Variants in TAFA1 observed in about 807,000 individuals in gnomAD.
TAFA1 encodes TAFA chemokine like family member 1, also known as chemokine-like protein TAFA-1.
Under a neutral mutation model 18.5 loss-of-function variants are expected in TAFA1, and 4 were observed. The observed-to-expected ratio is 0.22, with a 90% CI of 0.11 to 0.49. The LOEUF is 0.49. Among genes scored for constraint, TAFA1 ranks in the 20% least tolerant of loss-of-function variants. The pLI is 0.98. For synonymous variants in TAFA1, 56 were observed against 55.2 expected (o/e 1.01, Z -0.06); for missense variants, 147 against 169.0 (o/e 0.87, Z 0.72).
intron 2 of TAFA1, among the ~76,000 whole-genome samples, chr3:68,324,651 A>G (rs1009939258): frequency 4.6e-5 from 7 of 152,200 alleles, no homozygotes; most frequent in Non-Finnish European, 1.0e-4. Context: ...ACGAAACACA[A>G]AGGTCACATA....
At chr3:68,538,957 C>T (rs2073320533) in intron 4 of TAFA1, 77 bp downstream of exon 4, 1 of 1,466,676 alleles carries the variant, frequency 6.8e-7, no homozygotes, top group Non-Finnish European at 9.4e-7. Flanking sequence ...AAACAGCATC[C>T]ACAGAAGCTT....
chr3:68,233,455 A>G (rs1434940626), intron 2 of TAFA1, among the ~76,000 whole-genome samples: 1 of 151,922 alleles, frequency 6.6e-6, no homozygotes, highest in Non-Finnish European at 1.5e-5. Context: ...ACATGGATTT[A>G]TTTCTGGGTT....
At chr3:68,299,486 G>C (rs1404720226) in intron 2 of TAFA1, among the ~76,000 whole-genome samples, 2 of 152,238 alleles carry the variant, frequency 1.3e-5, no homozygotes, top group Non-Finnish European at 2.9e-5. Flanking sequence ...AAGGGAAGCA[G>C]AGCGTAAAAG....
At chr3:68,532,924 A>T (rs1307863897) in intron 3 of TAFA1, among the ~76,000 whole-genome samples, 1 of 150,878 alleles carries the variant, frequency 6.6e-6, no homozygotes, top group Admixed American at 6.6e-5. Flanking sequence ...AGTCTGACAT[A>T]GGTCTCAATC....
intron 2 of TAFA1, among the ~76,000 whole-genome samples, chr3:68,008,023 C>T (rs983125376): frequency 1.3e-5 from 2 of 152,220 alleles, no homozygotes; most frequent in African/African-American, 2.4e-5. Flanking sequence ...CGGGCCGCCC[C>T]GGGAGAAGGG....
chr3:68,051,430 A>G (rs966090934), intron 2 of TAFA1, among the ~76,000 whole-genome samples: 1 of 152,114 alleles, frequency 6.6e-6, no homozygotes, highest in African/African-American at 2.4e-5. Flanking sequence ...ACCAGGGGCA[A>G]TTTTGCCACC....
At chr3:68,007,747 T>TC (rs199669495) in intron 2 of TAFA1, among the ~76,000 whole-genome samples, 2,571 of 151,818 alleles carry the variant, frequency 0.017, 88 homozygotes, top group African/African-American at 0.059. Flanking sequence ...AATGGCCTCC[T>TC]CCCCCCATCC....
At chr3:68,120,247 TTC>T (rs2065382045) in intron 2 of TAFA1, among the ~76,000 whole-genome samples, 3 of 126,086 alleles carry the variant, frequency 2.4e-5, no homozygotes, top group Admixed American at 8.5e-5. Flanking sequence ...CTTTCTTTCT[TTC>T]TTTCTTTCTT....
chr3:68,009,241 G>GT (rs1704424159), intron 2 of TAFA1, among the ~76,000 whole-genome samples: 1 of 152,268 alleles, frequency 6.6e-6, no homozygotes, highest in Non-Finnish European at 1.5e-5. Context: ...AGTACCGTTT[G>GT]TAACAAGCTT....
At chr3:68,357,877 G>A (rs1231551920) in intron 2 of TAFA1, among the ~76,000 whole-genome samples, 1 of 151,858 alleles carries the variant, frequency 6.6e-6, no homozygotes, top group African/African-American at 2.4e-5. Flanking sequence ...TGGGATCTTG[G>A]AAATTGGAGA....
rs532671263 is a variant in TAFA1, at chr3:68,276,308, G to C, written c.119-140972G>C. Among the ~76,000 whole-genome samples, 25 of 152,278 alleles carry C rather than the reference G, an allele frequency of 1.6e-4. No individual in the cohort carries two copies. In the South Asian group the frequency reaches 5.2e-3, roughly 32 times the overall value. ...GGCTGAATAATTCTTGGTCATGGGA[G>C]CTGTCCTGAGCATTATTTAGTGGCA... On this transcript the variant is annotated intron_variant, in intron 2 of 4. Coordinates refer to ENST00000478136, the MANE Select transcript of TAFA1 (RefSeq NM_213609.4).
intron 2 of TAFA1, among the ~76,000 whole-genome samples, chr3:68,033,684 A>G (rs918948201): frequency 6.6e-6 from 1 of 152,236 alleles, no homozygotes; most frequent in Non-Finnish European, 1.5e-5. Context: ...AAAAATTAGC[A>G]TATGAAGTAT....
intron 2 of TAFA1, among the ~76,000 whole-genome samples, chr3:68,229,570 G>A (rs1043030209): frequency 6.6e-6 from 1 of 152,170 alleles, no homozygotes; most frequent in Admixed American, 6.5e-5. Context: ...AATGAGAAAT[G>A]TGGAAACATA....
At chr3:68,376,105 G>A (rs916038134) in intron 2 of TAFA1, among the ~76,000 whole-genome samples, 2 of 152,082 alleles carry the variant, frequency 1.3e-5, no homozygotes, top group African/African-American at 4.8e-5. Flanking sequence ...AACTGATCAG[G>A]ATATAGGCCT....
chr3:68,277,926 G>A (rs570565645), intron 2 of TAFA1, among the ~76,000 whole-genome samples: 14 of 152,128 alleles, frequency 9.2e-5, no homozygotes, highest in Non-Finnish European at 2.1e-4. Flanking sequence ...TCCATGCTAT[G>A]AGCAAATCAC....
chr3:68,124,535 G>A (rs545981936), intron 2 of TAFA1, among the ~76,000 whole-genome samples: 6 of 152,324 alleles, frequency 3.9e-5, no homozygotes, highest in Non-Finnish European at 7.3e-5. Flanking sequence ...TAAGTTAATA[G>A]TTTGGGCTCT....
intron 2 of TAFA1, among the ~76,000 whole-genome samples, chr3:68,069,710 AG>A (rs2064727505): frequency 1.3e-5 from 2 of 152,224 alleles, no homozygotes; most frequent in African/African-American, 4.8e-5. Flanking sequence ...GTTACTTCCT[AG>A]ATACAATGAG....
In TAFA1 at chr3:68,380,413, A is replaced by G. The variant is rs531734234; in HGVS notation, c.119-36867A>G. ...TGTAAAAGTGTTCCTATTTCTCCAC[A>G]TCCTCTCCAGCACCTGTTGTTTCCT... On this transcript the variant is annotated intron_variant, in intron 2 of 4. Coordinates refer to ENST00000478136, the MANE Select transcript of TAFA1 (RefSeq NM_213609.4). 2.4e-4 allele frequency among the ~76,000 whole-genome samples: 37 copies of G among 152,262 alleles called. No individual in the cohort carries two copies. The South Asian group carries it at 3.5e-3, about 15-fold the overall frequency.
At chr3:68,501,879 A>G (rs927492230) in intron 3 of TAFA1, among the ~76,000 whole-genome samples, 4 of 152,212 alleles carry the variant, frequency 2.6e-5, no homozygotes, top group African/African-American at 4.8e-5. Flanking sequence ...GACACAGCAT[A>G]GAGACGTGTA....
Sources: allele counts gnomAD v4.1 joint callset (sites outside exome capture counted in the v4.1 genomes callset), GRCh38; gene constraint gnomAD v4.1.1; transcripts MANE v1.5; gene names NCBI Gene and HGNC (gene_info 2026-07-23, HGNC 2026-07-21).